GRAMD1B: variants seen among roughly 807,000 people sequenced by gnomAD.
The protein encoded by GRAMD1B is protein Aster-B.
GRAMD1B carries 37 observed loss-of-function variants against 99.7 expected under a neutral mutation model. That is an observed-to-expected ratio of 0.37 (90% CI 0.29 to 0.49). GRAMD1B has a LOEUF of 0.49. Among genes scored for constraint, GRAMD1B ranks in the 20% least tolerant of loss-of-function variants. The pLI is 0.98. For missense variants in GRAMD1B, 888 were observed against 1,009.2 expected, an observed-to-expected ratio of 0.88 and a Z score of 1.63; for synonymous variants, 427 against 387.6, an observed-to-expected ratio of 1.10 and a Z score of -1.19.
intron 1 of GRAMD1B, among the ~76,000 whole-genome samples, chr11:123,366,723 A>T (rs1341790565): frequency 2.0e-5 from 3 of 152,164 alleles, no homozygotes; most frequent in African/African-American, 7.2e-5. Context: ...GATGGATTGA[A>T]ATCTAGGTTT....
chr11:123,467,416 T>TTTTTA (rs1555127430), intron 1 of GRAMD1B, among the ~76,000 whole-genome samples: 2 of 139,356 alleles, frequency 1.4e-5, no homozygotes, highest in Non-Finnish European at 3.0e-5. Context: ...TTTTTTTTTT[T>TTTTTA]ACTGACTTTC....
At chr11:123,392,572 C>T (rs1370318475) in intron 1 of GRAMD1B, among the ~76,000 whole-genome samples, 1 of 151,872 alleles carries the variant, frequency 6.6e-6, no homozygotes, top group South Asian at 2.1e-4. Context: ...ATACAGTATG[C>T]ATGACCAAGC....
intron 2 of GRAMD1B, among the ~76,000 whole-genome samples, chr11:123,486,269 C>T (rs1446590670): frequency 2.0e-5 from 3 of 152,092 alleles, no homozygotes; most frequent in Admixed American, 6.6e-5. Context: ...GAGACAAAGC[C>T]GGGCACCGTG....
At chr11:123,530,198 CA>C in intron 2 of GRAMD1B, among the ~76,000 whole-genome samples, 1 of 61,070 alleles carries the variant, frequency 1.6e-5, no homozygotes, top group Non-Finnish European at 3.9e-5. Flanking sequence ...TGGGAGGGTC[CA>C]TTTTTTTTTT....
chr11:123,498,039 G>T (rs567136716), intron 2 of GRAMD1B, among the ~76,000 whole-genome samples: 220 of 152,200 alleles, frequency 1.4e-3, no homozygotes, highest in African/African-American at 5.1e-3. Context: ...AGGGGGTTTT[G>T]CCAGGCCACT....
At chr11:123,535,278 T>A (rs1943847464) in intron 2 of GRAMD1B, among the ~76,000 whole-genome samples, 1 of 150,254 alleles carries the variant, frequency 6.7e-6, no homozygotes. Context: ...AATACAACCC[T>A]ACAGGAAAGA....
intron 17 of GRAMD1B, among the ~76,000 whole-genome samples, chr11:123,617,539 C>G (rs1158831049): frequency 6.6e-6 from 1 of 152,076 alleles, no homozygotes; most frequent in Non-Finnish European, 1.5e-5. Flanking sequence ...TCTACCTCTC[C>G]CCCATTAATT....
chr11:123,548,305 T>TAC (rs1945227694), intron 2 of GRAMD1B, among the ~76,000 whole-genome samples: 1 of 73,892 alleles, frequency 1.4e-5, no homozygotes, highest in Non-Finnish European at 2.4e-5. Context: ...TATATATATA[T>TAC]ATATATATAT....
At chr11:123,382,565 T>C (rs779493049) in intron 1 of GRAMD1B, among the ~76,000 whole-genome samples, 30 of 152,158 alleles carry the variant, frequency 2.0e-4, no homozygotes, top group Non-Finnish European at 3.2e-4. Context: ...TTGATTTGCA[T>C]ATAGGAGTGT....
chr11:123,455,547 C>T (rs929015300), intron 1 of GRAMD1B, among the ~76,000 whole-genome samples: 46 of 152,300 alleles, frequency 3.0e-4, no homozygotes, highest in South Asian at 1.0e-3. Flanking sequence ...CGAACTGCTG[C>T]GCTCACCATG....
At chr11:123,383,684 G>A (rs1203542670) in intron 1 of GRAMD1B, among the ~76,000 whole-genome samples, 3 of 151,340 alleles carry the variant, frequency 2.0e-5, no homozygotes, top group Non-Finnish European at 2.9e-5. Context: ...TGGGTCTTTC[G>A]TTTTTATTTC....
intron 1 of GRAMD1B, chr11:123,381,390 T>C (rs533709396): frequency 6.5e-6 from 1 of 154,450 alleles, no homozygotes; most frequent in East Asian, 1.9e-4. Context: ...AGACAAGTCC[T>C]GGTTAGGAGA....
At chr11:123,539,792 C>T (rs1944324850) in intron 2 of GRAMD1B, among the ~76,000 whole-genome samples, 1 of 152,140 alleles carries the variant, frequency 6.6e-6, no homozygotes, top group South Asian at 2.1e-4. Flanking sequence ...TGTCACATAC[C>T]GTTTCTATCT....
rs1030208078 is a variant in GRAMD1B, at chr11:123,557,691, C to T, written c.453-19676C>T. Among the ~76,000 whole-genome samples the T allele has an allele frequency of 4.2e-4, 64 of 152,158 alleles. 1 individual carries two copies. The highest frequency in any genetic ancestry group is 1.5e-5 in the Non-Finnish European group (1 of 68,038). On this transcript the variant is annotated intron_variant, in intron 2 of 19. Coordinates refer to ENST00000635736, the MANE Select transcript of GRAMD1B (RefSeq NM_001387025.1). ...AGTGAAGCTAACTTTTCAAAGAGCA[C>T]AGAAGAAGTAATTGATAGGACTAAC...
intron 2 of GRAMD1B, among the ~76,000 whole-genome samples, chr11:123,546,614 G>A (rs1038098563): frequency 6.6e-6 from 1 of 152,308 alleles, no homozygotes; most frequent in South Asian, 2.1e-4. Flanking sequence ...AGTAATCAAG[G>A]CTGGAAAAGG....
At chr11:123,549,419 G>T (rs1228510604) in intron 2 of GRAMD1B, among the ~76,000 whole-genome samples, 1 of 152,084 alleles carries the variant, frequency 6.6e-6, no homozygotes, top group African/African-American at 2.4e-5. Context: ...GCGGGTGCCT[G>T]TAGTCCCAGC....
At chr11:123,484,429 C>T (rs78895455) in intron 2 of GRAMD1B, among the ~76,000 whole-genome samples, 1,754 of 152,240 alleles carry the variant, frequency 0.012, 44 homozygotes, top group African/African-American at 0.04. Context: ...CCTCTCTAAC[C>T]ACTCACTCCT....
chr11:123,480,539 A>G (rs1430945888), intron 1 of GRAMD1B, among the ~76,000 whole-genome samples: 2 of 152,130 alleles, frequency 1.3e-5, no homozygotes, highest in African/African-American at 2.4e-5. Context: ...TGAGGTTTAT[A>G]TAGCCAGGGA....
At chr11:123,382,997 C>T (rs1299123150) in intron 1 of GRAMD1B, among the ~76,000 whole-genome samples, 1 of 152,168 alleles carries the variant, frequency 6.6e-6, no homozygotes, top group Non-Finnish European at 1.5e-5. Context: ...TTACACTTCT[C>T]AGAAGGGCCA....
Sources: allele counts gnomAD v4.1 joint callset (sites outside exome capture counted in the v4.1 genomes callset), GRCh38; gene constraint gnomAD v4.1.1; transcripts MANE v1.5; gene names NCBI Gene and HGNC (gene_info 2026-07-23, HGNC 2026-07-21).